Variants in MAGI1 observed in about 807,000 individuals in gnomAD.
MAGI1 encodes the protein membrane-associated guanylate kinase, WW and PDZ domain-containing protein 1.
MAGI1 carries 58 observed loss-of-function variants against 139.9 expected under a neutral mutation model. That is an observed-to-expected ratio of 0.41 (90% CI 0.34 to 0.52). MAGI1 has a LOEUF of 0.52. MAGI1 is among the 20% of genes least tolerant of loss of function. The pLI is 0.12. For missense variants in MAGI1, 1,874 were observed against 1,901.6 expected, an observed-to-expected ratio of 0.99 and a Z score of 0.27; for synonymous variants, 812 against 737.9, an observed-to-expected ratio of 1.10 and a Z score of -1.63.
In MAGI1 at chr3:65,600,626, C is replaced by T. The variant is rs1013911409; in HGVS notation, c.430+21346G>A. ...AACCAGTAGGTCCTGGGCTAGCCAGCTTCATGGGCGCCTGGCTTATAGAGC... is the reference window on the plus strand; with the variant it reads ...AACCAGTAGGTCCTGGGCTAGCCAGTTTCATGGGCGCCTGGCTTATAGAGC... On this transcript the variant is annotated intron_variant, in intron 2 of 22. Coordinates refer to ENST00000402939, the MANE Select transcript of MAGI1 (RefSeq NM_001033057.2). Among the ~76,000 whole-genome samples the T allele has an allele frequency of 2.1e-4, 21 of 98,406 alleles. 1 individual carries two copies. Among genetic ancestry groups the T allele is most frequent in the Non-Finnish European group, 1.2e-4 (6 of 50,728 alleles). 64.6% of individuals were successfully genotyped at this position (98,406 alleles called of 152,430 possible). A position where few individuals can be genotyped will look rare whatever the true frequency, so the allele number is the denominator to read the frequency against.
chr3:65,638,546 C>G (rs1466343859), intron 1 of MAGI1, among the ~76,000 whole-genome samples: 2 of 149,534 alleles, frequency 1.3e-5, no homozygotes, highest in Admixed American at 1.3e-4. Flanking sequence ...TTCCTCCCAC[C>G]TCAGGCCTCA....
At chr3:66,010,184 T>A (rs547111363) in intron 1 of MAGI1, among the ~76,000 whole-genome samples, 1 of 148,740 alleles carries the variant, frequency 6.7e-6, no homozygotes, top group East Asian at 2.1e-4. Flanking sequence ...ATGCTAAGCA[T>A]CACATGTATT....
chr3:65,514,763 GATCTAGAATTAGAA>G (rs201294280), intron 2 of MAGI1, among the ~76,000 whole-genome samples: 46,586 of 145,946 alleles, frequency 0.32, 8,924 homozygotes, highest in East Asian at 0.73. Context: ...ATTCCTCAGG[GATCTAGAATTAGAA>G]ATACCATTTG....
chr3:65,908,495 AG>A (rs1443056110), intron 1 of MAGI1, among the ~76,000 whole-genome samples: 1 of 152,178 alleles, frequency 6.6e-6, no homozygotes, highest in African/African-American at 2.4e-5. Flanking sequence ...CATCTTGGCC[AG>A]GCTGGTCTTG....
intron 1 of MAGI1, among the ~76,000 whole-genome samples, chr3:65,839,404 G>A (rs530258636): frequency 4.7e-5 from 7 of 149,504 alleles, no homozygotes; most frequent in Non-Finnish European, 7.4e-5. Context: ...GTATTCCTTC[G>A]ACTTTTTTTT....
chr3:65,890,412 C>A (rs1423974427), intron 1 of MAGI1, among the ~76,000 whole-genome samples: 1 of 152,160 alleles, frequency 6.6e-6, no homozygotes, highest in Non-Finnish European at 1.5e-5. Flanking sequence ...GCCTTCCCAA[C>A]TCACACACAG....
intron 5 of MAGI1, among the ~76,000 whole-genome samples, chr3:65,458,389 A>C (rs1232145915): frequency 2.0e-5 from 3 of 151,074 alleles, no homozygotes; most frequent in African/African-American, 7.3e-5. Context: ...GAACCCCCAA[A>C]CCGTTTCCCA....
At chr3:65,684,800 C>G (rs1483149000) in intron 1 of MAGI1, among the ~76,000 whole-genome samples, 1 of 150,410 alleles carries the variant, frequency 6.6e-6, no homozygotes, top group Non-Finnish European at 1.5e-5. Context: ...CTCCCAGGCT[C>G]AAGCAATCCA....
chr3:65,639,433 G>T (rs1223020308), intron 1 of MAGI1, among the ~76,000 whole-genome samples: 4 of 152,076 alleles, frequency 2.6e-5, no homozygotes, highest in African/African-American at 9.7e-5. Flanking sequence ...GGAGTCAGGG[G>T]GCCTGGATTT....
rs551351365 is a variant in MAGI1 at position 65,812,659 on chromosome 3, T to C, written c.314-190571A>G. Among the ~76,000 whole-genome samples, 6 of 150,890 alleles carry C rather than the reference T, an allele frequency of 4.0e-5. No homozygotes were observed. In the South Asian group the frequency reaches 1.3e-3, roughly 32 times the overall value. ...TGTTCCAAAGAAATGCTAGACCACA[T>C]TAAATCAATGATATAAACTGACTGG... is the stretch of plus-strand genomic sequence containing the variant. On this transcript the variant is annotated intron_variant, in intron 1 of 22. Transcript: ENST00000402939.
At chr3:65,897,907 A>AC (rs1203840538) in intron 1 of MAGI1, among the ~76,000 whole-genome samples, 2 of 151,590 alleles carry the variant, frequency 1.3e-5, no homozygotes, top group Non-Finnish European at 2.9e-5. Flanking sequence ...GAAAAAAAAA[A>AC]CTTAATGGAA....
chr3:65,812,749 TGC>T (rs1406652605), intron 1 of MAGI1, among the ~76,000 whole-genome samples: 1 of 138,640 alleles, frequency 7.2e-6, no homozygotes, highest in Non-Finnish European at 1.5e-5. Context: ...TTGCTCTTGT[TGC>T]CCAGGCTGGA....
intron 3 of MAGI1, among the ~76,000 whole-genome samples, chr3:65,484,737 C>G (rs542045304): frequency 6.6e-6 from 1 of 152,232 alleles, no homozygotes; most frequent in East Asian, 1.9e-4. Context: ...GCACCCACTC[C>G]TCCCTCTGCT....
Position 65,520,839 on chromosome 3 carries a change from T to C in MAGI1, c.431-27208A>G, listed in dbSNP as rs141454220. Among the ~76,000 whole-genome samples, 5 of 152,330 alleles carry C rather than the reference T, an allele frequency of 3.3e-5. No individual in the cohort carries two copies. In the East Asian group the frequency reaches 7.7e-4, roughly 23 times the overall value. On this transcript the variant is annotated intron_variant, in intron 2 of 22. Transcript: ENST00000402939. ...CCTTTCAGAAGCCTTTCGTGACTTA[T>C]AAACCATGGTAGTCATGGGAGCTAA...
At position 65,375,726 on chromosome 3, in the gene MAGI1, G is replaced by GAT. The variant is rs1942461402; in HGVS notation, c.3196+17_3196+18dup. The GAT allele has an allele frequency of 2.6e-6, 4 of 1,552,370 alleles. No individual in the cohort carries two copies. In the African/African-American group the frequency reaches 4.1e-5, roughly 16 times the overall value. The stretch of plus-strand genomic sequence containing the variant: ...AGAGAAAAAGAGAGAGAGAGAGAGA[G>GAT]ATAATAGGTATACTTTACCATCCCC... On this transcript the variant is annotated intron_variant, in intron 18 of 22. Transcript: ENST00000402939.
At chr3:65,459,367 T>C (rs931003532) in intron 5 of MAGI1, among the ~76,000 whole-genome samples, 3 of 152,228 alleles carry the variant, frequency 2.0e-5, no homozygotes, top group African/African-American at 7.2e-5. Context: ...AGGGATTGCA[T>C]TGAATGTGTA....
chr3:65,945,745 G>C (rs1333272664), intron 1 of MAGI1, among the ~76,000 whole-genome samples: 1 of 152,166 alleles, frequency 6.6e-6, no homozygotes. Context: ...TCTGACCACA[G>C]GGCATCCCTG....
chr3:65,928,071 C>A (rs981771193), intron 1 of MAGI1, among the ~76,000 whole-genome samples: 1 of 152,216 alleles, frequency 6.6e-6, no homozygotes, highest in East Asian at 1.9e-4. Flanking sequence ...ATATGCAACA[C>A]GAGTTACTTT....
intron 1 of MAGI1, among the ~76,000 whole-genome samples, chr3:65,866,983 C>A (rs1483016171): frequency 6.6e-6 from 1 of 152,082 alleles, no homozygotes; most frequent in Non-Finnish European, 1.5e-5. Context: ...AGCTTCAGAT[C>A]TTTTTAAAGA....
Sources: allele counts gnomAD v4.1 joint callset (sites outside exome capture counted in the v4.1 genomes callset), GRCh38; gene constraint gnomAD v4.1.1; transcripts MANE v1.5; gene names NCBI Gene and HGNC (gene_info 2026-07-23, HGNC 2026-07-21).